Variants in XBP1 observed in about 807,000 individuals in gnomAD.
XBP1 encodes X-box-binding protein 1.
Under a neutral mutation model 34.6 loss-of-function variants are expected in XBP1, and 18 were observed. The observed-to-expected ratio is 0.52, with a 90% CI of 0.36 to 0.77. The LOEUF (loss-of-function observed/expected upper bound fraction) is 0.77, where lower values mean the gene tolerates loss of function less well. XBP1 is among the 30% of genes least tolerant of loss of function. The pLI is 0.00. For missense variants in XBP1, 422 were observed against 464.6 expected, an observed-to-expected ratio of 0.91 and a Z score of 0.84; for synonymous variants, 191 against 193.4, an observed-to-expected ratio of 0.99 and a Z score of 0.11.
chr22:28,797,975 T>C (rs2031780274), intron 2 of XBP1, among the ~76,000 whole-genome samples: 1 of 152,122 alleles, frequency 6.6e-6, no homozygotes, highest in East Asian at 1.9e-4. Context: ...GCTCAATATA[T>C]GCAAATTGAC....
chr22:28,795,592 C>G lies in XBP1; in HGVS notation c.714G>C (p.Leu238=), dbSNP rs748093317. 8.6e-5 allele frequency: 139 copies of G among 1,613,976 alleles called. 2 individuals are homozygous for G. The South Asian group carries it at 1.4e-3, about 17-fold the overall frequency. Residue 238 remains leucine (L), a synonymous_variant, in exon 6 of 6, where the codon CTG becomes CTC. Coordinates refer to ENST00000344347, the Ensembl canonical transcript of XBP1. The stretch of plus-strand genomic sequence containing the variant: ...GCTTGGCTGATGACGTCCCCACTGA[C>G]AGAGAAAGGGAGGCTGGTAAGGAAC...
upstream of XBP1, chr22:28,800,557 G>A (rs1387465858): frequency 2.7e-6 from 4 of 1,467,236 alleles, no homozygotes; most frequent in South Asian, 1.3e-5. Context: ...ACCGCGCGCC[G>A]CAGCCGCCCA....
At chr22:28,800,536 A>ACACAC, upstream of XBP1, 1 of 1,480,064 alleles carries the variant, frequency 6.8e-7, no homozygotes, top group East Asian at 2.9e-5. Flanking sequence ...GCTCCAGACT[A>ACACAC]CGCACCGCGC....
intron 2 of XBP1, among the ~76,000 whole-genome samples, chr22:28,798,038 T>C (rs770709522): frequency 6.6e-6 from 1 of 152,120 alleles, no homozygotes; most frequent in African/African-American, 2.4e-5. Flanking sequence ...AGATGTGTAA[T>C]TGGCAACAAT....
chr22:28,799,183 G>A lies in XBP1; in HGVS notation c.228-30C>T, dbSNP rs754396655. ...GAAGAGAAGGAACATACCACACTGAGTCATATCAAACCTTATTTATGTCTT... is the reference window on the plus strand; with the variant it reads ...GAAGAGAAGGAACATACCACACTGAATCATATCAAACCTTATTTATGTCTT... On this transcript the variant is annotated intron_variant, in intron 1 of 5. Transcript: ENST00000344347. 12 of 1,549,874 alleles carry A rather than the reference G, an allele frequency of 7.7e-6. No individual in the cohort carries two copies. The East Asian group carries it at 2.5e-4, about 32-fold the overall frequency.
At chr22:28,798,604 C>T (rs1291991298) in intron 2 of XBP1, among the ~76,000 whole-genome samples, 1 of 130,780 alleles carries the variant, frequency 7.6e-6, no homozygotes, top group African/African-American at 3.4e-5. Context: ...CCCCGGTGCC[C>T]AGCAAACTTT....
chr22:28,799,550 T>C lies in XBP1; in HGVS notation c.228-397A>G, dbSNP rs190140580. Among the ~76,000 whole-genome samples, 7 of 152,318 alleles carry C rather than the reference T, an allele frequency of 4.6e-5. No individual in the cohort carries two copies. In the East Asian group the frequency reaches 1.3e-3, roughly 29 times the overall value. On this transcript the variant is annotated intron_variant, in intron 1 of 5. Transcript: ENST00000344347. ...ATTAATCTAGTGAAGGCTGCAATCT[T>C]GCTATGACATCAACCCTCCGTCCCC...
exon 3 of XBP1, chr22:28,797,093 T>C: frequency 6.2e-7 from 1 of 1,610,440 alleles, no homozygotes; most frequent in South Asian, 1.1e-5. Context: ...TTCCGCCTCC[T>C]CTTCAGCAAC....
chr22:28,798,245 C>T (rs927512640), intron 2 of XBP1, among the ~76,000 whole-genome samples: 5 of 151,734 alleles, frequency 3.3e-5, no homozygotes, highest in Non-Finnish European at 5.9e-5. Context: ...AAGTCAATCA[C>T]TTCTGCCCTC....
intron 2 of XBP1, among the ~76,000 whole-genome samples, chr22:28,798,302 C>CTTTTTTTTTTTTTTTTTTTTTTT (rs71316865): frequency 8.1e-6 from 1 of 123,386 alleles, no homozygotes; most frequent in Non-Finnish European, 1.6e-5. Flanking sequence ...CTTAGATTAA[C>CTTTTTTTTTTTTTTTTTTTTTTT]TTTTTTTTTT....
exon 1 of XBP1, chr22:28,800,400 G>T: frequency 1.3e-6 from 2 of 1,524,084 alleles, no homozygotes; most frequent in Non-Finnish European, 8.8e-7. Flanking sequence ...CCCTCTCTGG[G>T]CTGGCACCAT....
At chr22:28,795,080 A>G, downstream of XBP1, 1 of 1,232,488 alleles carries the variant, frequency 8.1e-7, no homozygotes, top group Non-Finnish European at 1.1e-6. Context: ...TATACTCTCT[A>G]TTTTGGCTTT....
At chr22:28,795,827 G>C in intron 5 of XBP1, 95 bp from the exon 6 acceptor site, 2 of 1,350,160 alleles carry the variant, frequency 1.5e-6, no homozygotes, top group Non-Finnish European at 1.0e-6. Context: ...ATGTAAATTA[G>C]TCATTATGTG....
At chr22:28,796,881 G>C in intron 3 of XBP1, 196 bp downstream of exon 3, 2 of 555,660 alleles carry the variant, frequency 3.6e-6, no homozygotes, top group Non-Finnish European at 3.0e-6. Flanking sequence ...TCTTAGTACT[G>C]TTCACTACAC....
chr22:28,798,828 C>T, intron 2 of XBP1: 1 of 222,224 alleles, frequency 4.5e-6, no homozygotes, highest in South Asian at 1.1e-4. Flanking sequence ...ACCATGTTGG[C>T]TAGGCTGGTC....
chr22:28,794,994 G>C (rs2031716811), downstream of XBP1: 1 of 493,010 alleles, frequency 2.0e-6, no homozygotes, highest in Non-Finnish European at 3.5e-6. Context: ...CAATACCTTG[G>C]ACTGCTGGAT....
chr22:28,800,025 A>AG (rs757796875), intron 1 of XBP1: 1 of 779,062 alleles, frequency 1.3e-6, no homozygotes, highest in Non-Finnish European at 2.4e-6. Context: ...CCTGGAAGAC[A>AG]GGTGCCCGCA....
chr22:28,795,259 A>T, exon 6 of XBP1: 1 of 1,551,616 alleles, frequency 6.4e-7, no homozygotes, highest in South Asian at 1.2e-5. Flanking sequence ...AGGACATGTC[A>T]CTGAATGGGG....
chr22:28,795,073 ACTCT>A (rs745635208), downstream of XBP1: 873 of 1,129,960 alleles, frequency 7.7e-4, 1 homozygote, highest in Non-Finnish European at 1.0e-3. Context: ...AGGACTGTAT[ACTCT>A]CTATTTTGGC....
Sources: allele counts gnomAD v4.1 joint callset (sites outside exome capture counted in the v4.1 genomes callset), GRCh38; gene constraint gnomAD v4.1.1; transcripts MANE v1.5; gene names NCBI Gene and HGNC (gene_info 2026-07-23, HGNC 2026-07-21).